Variants in NCKAP5 observed in about 807,000 individuals in gnomAD.
NCKAP5 encodes the protein NCK associated protein 5.
In NCKAP5, 92 loss-of-function variants were observed where a neutral mutation model predicts 167.0. The observed-to-expected ratio is 0.55, with a 90% confidence interval of 0.47 to 0.66. The LOEUF (loss-of-function observed/expected upper bound fraction) is 0.66. Ranked by LOEUF, NCKAP5 falls within the 30% of genes least tolerant of loss-of-function variation. The pLI, the probability that NCKAP5 is intolerant of heterozygous loss-of-function variation, is 0.00. For missense variants in NCKAP5, 2,378 were observed against 2,315.0 expected (o/e 1.03, Z -0.56); for synonymous variants, 891 against 877.4 (o/e 1.02, Z -0.27).
chr2:132,929,594 G>A, intron 8 of NCKAP5, among the ~76,000 whole-genome samples: 1 of 152,190 alleles, frequency 6.6e-6, no homozygotes, highest in East Asian at 1.9e-4. Context: ...TAAAGCCACA[G>A]CTGCCTTCTT....
At chr2:133,659,197 C>A in the NCKAP5 span, among the ~76,000 whole-genome samples, 1 of 152,006 alleles carries the variant, frequency 6.6e-6, no homozygotes, top group Non-Finnish European at 1.5e-5. Flanking sequence ...AAAATAATTC[C>A]TCACTCGTTA....
chr2:133,502,472 G>A (rs748642581), intron 3 of NCKAP5, among the ~76,000 whole-genome samples: 1 of 151,968 alleles, frequency 6.6e-6, no homozygotes, highest in Non-Finnish European at 1.5e-5. Flanking sequence ...AAATACAATA[G>A]ATAGATAGAT....
At chr2:132,808,519 C>CTCT (rs1420210204) in intron 11 of NCKAP5, among the ~76,000 whole-genome samples, 1 of 152,002 alleles carries the variant, frequency 6.6e-6, no homozygotes, top group Admixed American at 6.6e-5. Context: ...ATTTATCCAT[C>CTCT]TCTTCTAGGT....
chr2:133,606,373 C>T, the NCKAP5 span, among the ~76,000 whole-genome samples: 14 of 152,330 alleles, frequency 9.2e-5, no homozygotes, highest in Middle Eastern at 3.4e-3. Context: ...ACTTACCGAA[C>T]ACCCCCTGAA....
At chr2:133,119,241 T>C (rs2082179000) in intron 6 of NCKAP5, among the ~76,000 whole-genome samples, 1 of 152,274 alleles carries the variant, frequency 6.6e-6, no homozygotes, top group African/African-American at 2.4e-5. Context: ...TGACCTCAGG[T>C]AATCCACTTG....
chr2:133,454,615 T>C (rs1437851145), intron 3 of NCKAP5, among the ~76,000 whole-genome samples: 2 of 152,092 alleles, frequency 1.3e-5, no homozygotes, highest in Non-Finnish European at 2.9e-5. Flanking sequence ...TGGAGTGCTT[T>C]TGACATGGCT....
In NCKAP5 at chr2:132,932,517, G is replaced by T. The variant is rs371288072; in HGVS notation, c.579+31203C>A. On this transcript the variant is annotated intron_variant, in intron 8 of 19. Transcript: ENST00000409261. Reference sequence around the variant, plus strand: ...TTTTAAAGGCCAAAGTCCAAACAAGGTCTTTAAGAATTTGGTAACACCAAT... The same window carrying T: ...TTTTAAAGGCCAAAGTCCAAACAAGTTCTTTAAGAATTTGGTAACACCAAT... 1.4e-3 allele frequency among the ~76,000 whole-genome samples: 210 copies of T among 152,202 alleles called. 1 individual carries two copies. Among genetic ancestry groups the T allele is most frequent in the African/African-American group, 4.6e-3 (193 of 41,538 alleles).
chr2:132,731,691 T>A lies in NCKAP5; in HGVS notation c.5443+46A>T, dbSNP rs768156288. On this transcript the variant is annotated intron_variant, in intron 17 of 19. Transcript: ENST00000409261. Reference sequence around the variant, plus strand: ...TCTCCTGGTGAAAAGTTTCCCTTTTTTTTGTCAGCAAATGTCTTATTAAGG... The same window carrying A: ...TCTCCTGGTGAAAAGTTTCCCTTTTATTTGTCAGCAAATGTCTTATTAAGG... 6 of 1,516,014 alleles carry A rather than the reference T, an allele frequency of 4.0e-6. No homozygotes were observed. In the African/African-American group the frequency reaches 8.4e-5, roughly 21 times the overall value. The allele number at this position is 1,516,014 out of a possible 1,614,324, so 93.9% of individuals were successfully genotyped here.
At chr2:133,005,878 C>G (rs539509602) in intron 6 of NCKAP5, among the ~76,000 whole-genome samples, 1 of 152,224 alleles carries the variant, frequency 6.6e-6, no homozygotes, top group South Asian at 2.1e-4. Flanking sequence ...CAACCTGGAG[C>G]CTCTTTTCCC....
chr2:133,054,699 G>A (rs1390012836), intron 6 of NCKAP5, among the ~76,000 whole-genome samples: 1 of 152,122 alleles, frequency 6.6e-6, no homozygotes. Flanking sequence ...GTGCAAAGAG[G>A]AAATTCAGAA....
intron 3 of NCKAP5, among the ~76,000 whole-genome samples, chr2:133,387,061 G>A (rs937498106): frequency 1.8e-4 from 27 of 152,180 alleles, no homozygotes; most frequent in African/African-American, 6.5e-4. Context: ...GGTTAATATA[G>A]TTATGTGTGA....
intron 3 of NCKAP5, among the ~76,000 whole-genome samples, chr2:133,498,480 A>AAGGAAGGAAGGAAGGC (rs1310524686): frequency 8.0e-4 from 81 of 101,792 alleles, no homozygotes; most frequent in South Asian, 2.8e-3. Flanking sequence ...GGAAGGAAGG[A>AAGGAAGGAAGGAAGGC]AGGCAGGCAG....
rs182750788 is a variant in NCKAP5 at position 132,914,160 on chromosome 2, T to C, written c.580-35244A>G. 1.4e-4 allele frequency among the ~76,000 whole-genome samples: 22 copies of C among 152,320 alleles called. No homozygotes were observed. In the East Asian group the frequency reaches 2.1e-3, roughly 15 times the overall value. ...AAATTTCTTTCAAATAGCACATCTA[T>C]GTGAATAGTAGCTGTCCATTATGTT... On this transcript the variant is annotated intron_variant, in intron 8 of 19. Transcript: ENST00000409261.
intron 3 of NCKAP5, among the ~76,000 whole-genome samples, chr2:133,486,278 T>C (rs1257855234): frequency 6.6e-6 from 1 of 152,218 alleles, no homozygotes; most frequent in African/African-American, 2.4e-5. Context: ...CATGCCTTTT[T>C]CCGCTTATTT....
At chr2:132,785,904 C>T (rs751600520) in intron 13 of NCKAP5, among the ~76,000 whole-genome samples, 186 bp from the exon 14 acceptor site, 6 of 152,254 alleles carry the variant, frequency 3.9e-5, no homozygotes, top group Non-Finnish European at 8.8e-5. Flanking sequence ...TTGCCAGGTC[C>T]TGTGCTAAGA....
At chr2:132,765,537 T>C (rs1324506351) in intron 16 of NCKAP5, among the ~76,000 whole-genome samples, 1 of 143,050 alleles carries the variant, frequency 7.0e-6, no homozygotes, top group Non-Finnish European at 1.5e-5. Context: ...ATGGTCTCCA[T>C]CTCTTGACCT....
chr2:132,846,515 G>A (rs1574406158), intron 11 of NCKAP5, among the ~76,000 whole-genome samples: 2 of 152,186 alleles, frequency 1.3e-5, no homozygotes, highest in South Asian at 2.1e-4. Flanking sequence ...ATGTTGGCCA[G>A]GTTGGTCTCA....
chr2:132,792,084 C>T (rs528092142), intron 12 of NCKAP5, among the ~76,000 whole-genome samples: 1 of 149,776 alleles, frequency 6.7e-6, no homozygotes, highest in East Asian at 2.0e-4. Context: ...TGGAGTTTCA[C>T]TCTTGTTGCC....
chr2:133,140,089 A>G (rs2082941573), intron 5 of NCKAP5, among the ~76,000 whole-genome samples: 1 of 152,166 alleles, frequency 6.6e-6, no homozygotes, highest in Non-Finnish European at 1.5e-5. Context: ...CCCTGGTCAC[A>G]GATCTTTCTT....
Sources: allele counts gnomAD v4.1 joint callset (sites outside exome capture counted in the v4.1 genomes callset), GRCh38; gene constraint gnomAD v4.1.1; transcripts MANE v1.5; gene names NCBI Gene and HGNC (gene_info 2026-07-23, HGNC 2026-07-21).